The following CSTF3 variants were observed in gnomAD, a reference collection of about 807,000 sequenced individuals.
CSTF3 encodes the protein cleavage stimulation factor subunit 3.
A neutral mutation model predicts 105.8 loss-of-function variants in CSTF3; 29 were observed. That is an observed-to-expected ratio of 0.27 (90% CI 0.20 to 0.37). The LOEUF (loss-of-function observed/expected upper bound fraction) is 0.37, where lower values mean the gene tolerates loss of function less well. Among genes scored for constraint, CSTF3 ranks in the 10% least tolerant of loss-of-function variants. The pLI, the probability that CSTF3 is intolerant of heterozygous loss-of-function variation, is 1.00. For missense variants in CSTF3, 357 were observed against 879.3 expected (o/e 0.41, Z 7.51); for synonymous variants, 252 against 281.9 (o/e 0.89, Z 1.06).
intron 7 of CSTF3, 31 bp from the exon 8 acceptor site, chr11:33,105,724 T>C: frequency 3.1e-6 from 5 of 1,609,970 alleles, no homozygotes; most frequent in Non-Finnish European, 4.2e-6. Context: ...CCATCAATTA[T>C]ATTATAACCA....
chr11:33,096,281 A>G (rs749639505), intron 15 of CSTF3, 25 bp downstream of exon 15: 62 of 1,360,712 alleles, frequency 4.6e-5, no homozygotes, highest in Non-Finnish European at 6.1e-5. Flanking sequence ...TTAAGTAATC[A>G]TTATAGATTC....
chr11:33,090,694 A>G lies in CSTF3; in HGVS notation c.1479T>C (p.Ser493=). The change falls in exon 17 of 21, where the codon AGT becomes AGC. Residue 493 remains serine (S), a synonymous_variant. Coordinates refer to ENST00000323959, the MANE Select transcript of CSTF3 (RefSeq NM_001326.3). The part of the protein sequence containing the change: ...EIWARFLAFE[S]NIGDLASILK... ...GTATACTAGCTAGATCACCAATATT[A>G]CTTTCAAATGCTAGAAATCGGGCCC... 6.4e-7 allele frequency: 1 copy of G among 1,558,372 alleles called. No homozygotes were observed. The highest frequency in any genetic ancestry group is 1.2e-5 in the South Asian group (1 of 80,482).
chr11:33,137,792 A>G (rs1266848918), intron 3 of CSTF3, among the ~76,000 whole-genome samples: 2 of 151,804 alleles, frequency 1.3e-5, no homozygotes, highest in African/African-American at 4.8e-5. Context: ...AAAGGCTGCA[A>G]GCTGAAGTAT....
At chr11:33,096,180 GAGTGCCTAACA>G (rs1855221401) in intron 15 of CSTF3, 115 bp downstream of exon 15, 1 of 581,210 alleles carries the variant, frequency 1.7e-6, no homozygotes, top group Non-Finnish European at 2.9e-6. Context: ...AGTATTTCTT[GAGTGCCTAACA>G]AGTGCCTGTC....
intron 3 of CSTF3, among the ~76,000 whole-genome samples, chr11:33,134,013 TTTG>T (rs1339307601): frequency 6.6e-6 from 1 of 152,218 alleles, no homozygotes; most frequent in East Asian, 1.9e-4. Context: ...TATAAGAATC[TTTG>T]TTATTAGCAA....
intron 15 of CSTF3, among the ~76,000 whole-genome samples, 193 bp from the exon 16 acceptor site, chr11:33,092,533 T>C (rs946394287): frequency 6.6e-6 from 1 of 152,194 alleles, no homozygotes; most frequent in Admixed American, 6.5e-5. Context: ...CTCTTGGTGA[T>C]TGAGTAGCAG....
intron 3 of CSTF3, among the ~76,000 whole-genome samples, chr11:33,130,231 C>T (rs1855584597): frequency 6.6e-6 from 1 of 152,010 alleles, no homozygotes; most frequent in Non-Finnish European, 1.5e-5. Context: ...CCAGCATTTT[C>T]GGAGGCCTAG....
At chr11:33,129,319 T>C (rs1319632015) in intron 3 of CSTF3, among the ~76,000 whole-genome samples, 13 of 151,898 alleles carry the variant, frequency 8.6e-5, no homozygotes, top group Non-Finnish European at 1.5e-5. Flanking sequence ...CTTAAACTCC[T>C]GACCTCGAGT....
intron 16 of CSTF3, among the ~76,000 whole-genome samples, chr11:33,091,609 T>C (rs6484645): frequency 0.56 from 84,634 of 152,124 alleles, 26,145 homozygotes; most frequent in Non-Finnish European, 0.69. Context: ...AAACAAACTT[T>C]GAATTTACAA....
chr11:33,090,757 T>A, intron 16 of CSTF3, 30 bp from the exon 17 acceptor site: 1 of 1,464,174 alleles, frequency 6.8e-7, no homozygotes, highest in Non-Finnish European at 9.1e-7. Flanking sequence ...ATCAATACTT[T>A]AATTATTCTG....
intron 3 of CSTF3, among the ~76,000 whole-genome samples, chr11:33,131,805 T>C (rs1855602865): frequency 6.6e-6 from 1 of 152,086 alleles, no homozygotes; most frequent in Admixed American, 6.6e-5. Flanking sequence ...TGAGCAGAGA[T>C]CGTGGCACTG....
chr11:33,092,200 C>T, intron 16 of CSTF3, 71 bp downstream of exon 16: 1 of 1,057,790 alleles, frequency 9.5e-7, no homozygotes, highest in Non-Finnish European at 1.4e-6. Context: ...CAAACATTCA[C>T]CCCATAGACC....
chr11:33,086,105 GA>G, intron 18 of CSTF3, 116 bp from the exon 19 acceptor site: 1 of 654,018 alleles, frequency 1.5e-6, no homozygotes, highest in Non-Finnish European at 2.3e-6. Flanking sequence ...TCTGGACACT[GA>G]AAATACTTCT....
intron 1 of CSTF3, chr11:33,144,936 C>T: frequency 5.0e-6 from 1 of 198,590 alleles, no homozygotes; most frequent in South Asian, 6.3e-5. Context: ...AGATTGCCGC[C>T]ACTGCACTCG....
intron 5 of CSTF3, among the ~76,000 whole-genome samples, chr11:33,106,485 T>C (rs1205486586): frequency 6.6e-6 from 1 of 152,128 alleles, no homozygotes; most frequent in East Asian, 1.9e-4. Context: ...TCCCAATGCT[T>C]TGGGAGGCTG....
intron 1 of CSTF3, among the ~76,000 whole-genome samples, chr11:33,158,604 T>A (rs1462464411): frequency 1.3e-5 from 2 of 152,178 alleles, no homozygotes; most frequent in Non-Finnish European, 2.9e-5. Flanking sequence ...AAGGGGAACA[T>A]GACCCTTAAC....
At chr11:33,086,190 A>G (rs762874129) in intron 18 of CSTF3, among the ~76,000 whole-genome samples, 3 of 152,254 alleles carry the variant, frequency 2.0e-5, no homozygotes, top group Admixed American at 6.5e-5. Flanking sequence ...AGAAGTAGAC[A>G]AGTGACTTTG....
chr11:33,115,629 T>G (rs2133783679), intron 3 of CSTF3, among the ~76,000 whole-genome samples: 1 of 152,238 alleles, frequency 6.6e-6, no homozygotes, highest in Non-Finnish European at 1.5e-5. Flanking sequence ...GGAGATAAAG[T>G]GGTGGATTAA....
At chr11:33,110,311 C>T (rs750502453) in intron 3 of CSTF3, among the ~76,000 whole-genome samples, 1 of 152,196 alleles carries the variant, frequency 6.6e-6, no homozygotes, top group Non-Finnish European at 1.5e-5. Context: ...GAAATCTCTA[C>T]TCAAGAGTAG....
Sources: gnomAD v4.1 joint callset for allele counts (sites outside exome capture counted in the v4.1 genomes callset) on GRCh38, gnomAD v4.1.1 for gene constraint, MANE v1.5 for transcripts, NCBI Gene and HGNC (gene_info 2026-07-23, HGNC 2026-07-21) for gene names.